The following LNX1 variants were observed in gnomAD, a reference collection of about 807,000 sequenced individuals.
LNX1 encodes ligand of numb-protein X 1, also known as E3 ubiquitin-protein ligase LNX.
A neutral mutation model predicts 68.4 loss-of-function variants in LNX1; 54 were observed. The ratio of observed to expected loss-of-function variants is 0.79; its 90% confidence interval spans 0.63 to 0.99. The LOEUF (loss-of-function observed/expected upper bound fraction) is 0.99. LNX1 is among the 50% of genes least tolerant of loss of function. The pLI, the probability that LNX1 is intolerant of heterozygous loss-of-function variation, is 0.00. For synonymous variants in LNX1, 336 were observed against 350.0 expected, an observed-to-expected ratio of 0.96 and a Z score of 0.45; for missense variants, 906 against 926.4, an observed-to-expected ratio of 0.98 and a Z score of 0.29.
intron 1 of LNX1, among the ~76,000 whole-genome samples, chr4:53,639,341 G>A (rs1328110246): frequency 6.6e-6 from 1 of 152,104 alleles, no homozygotes; most frequent in Non-Finnish European, 1.5e-5. Flanking sequence ...CAGCAGGGAG[G>A]AGTGAGTGGG....
At chr4:53,585,593 A>C (rs1362294751) in intron 1 of LNX1, among the ~76,000 whole-genome samples, 1 of 152,176 alleles carries the variant, frequency 6.6e-6, no homozygotes, top group Admixed American at 6.6e-5. Flanking sequence ...AAATTCAATG[A>C]CAGATGTCCT....
chr4:53,548,367 A>G (rs1483626981), intron 2 of LNX1, among the ~76,000 whole-genome samples: 1 of 152,166 alleles, frequency 6.6e-6, no homozygotes, highest in East Asian at 1.9e-4. Flanking sequence ...TTCTTTAACA[A>G]TGTTTTTGTG....
At chr4:53,643,647 A>G (rs1734772861) in intron 1 of LNX1, among the ~76,000 whole-genome samples, 1 of 152,056 alleles carries the variant, frequency 6.6e-6, no homozygotes, top group Non-Finnish European at 1.5e-5. Context: ...CTTTCTCCTC[A>G]TTTTCCTTCT....
intron 6 of LNX1, among the ~76,000 whole-genome samples, chr4:53,488,435 T>A (rs1724467705): frequency 6.6e-6 from 1 of 152,176 alleles, no homozygotes; most frequent in South Asian, 2.1e-4. Context: ...TCTTTTCAAG[T>A]CATCTAAAAA....
At chr4:53,585,018 A>G (rs1370117589) in intron 1 of LNX1, among the ~76,000 whole-genome samples, 2 of 152,118 alleles carry the variant, frequency 1.3e-5, no homozygotes, top group Non-Finnish European at 2.9e-5. Flanking sequence ...TGGGTAGTCC[A>G]GATGGTGGTA....
chr4:53,501,096 A>T (rs1266539977), intron 4 of LNX1, among the ~76,000 whole-genome samples: 1 of 152,146 alleles, frequency 6.6e-6, no homozygotes, highest in East Asian at 1.9e-4. Context: ...AGGAATTTTT[A>T]AACTGCCAAA....
chr4:53,469,485 AAGATC>A (rs1178573402), intron 9 of LNX1, among the ~76,000 whole-genome samples: 10 of 152,244 alleles, frequency 6.6e-5, no homozygotes, highest in African/African-American at 2.2e-4. Context: ...AGAAATAACT[AAGATC>A]AGAGCAGAAC....
intron 1 of LNX1, among the ~76,000 whole-genome samples, chr4:53,643,684 A>T (rs1264529754): frequency 2.0e-5 from 3 of 152,168 alleles, no homozygotes; most frequent in Admixed American, 6.5e-5. Flanking sequence ...TTTGGAGTGT[A>T]ACAGACCTGT....
intron 2 of LNX1, among the ~76,000 whole-genome samples, chr4:53,545,193 C>G (rs1729021887): frequency 6.6e-6 from 1 of 152,230 alleles, no homozygotes. Context: ...GTAGTCTGCT[C>G]TCTTATGCCT....
intron 2 of LNX1, among the ~76,000 whole-genome samples, chr4:53,563,997 T>G (rs1174633188): frequency 6.6e-6 from 1 of 152,222 alleles, no homozygotes. Context: ...GAGCATGTGT[T>G]GAGGCCCACG....
intron 2 of LNX1, among the ~76,000 whole-genome samples, chr4:53,534,312 C>CA (rs1728218261): frequency 1.3e-5 from 2 of 152,138 alleles, no homozygotes; most frequent in Admixed American, 1.3e-4. Flanking sequence ...GGCCCATCTT[C>CA]AACCCTGAAT....
chr4:53,621,339 C>T (rs1733873325), upstream of LNX1, among the ~76,000 whole-genome samples: 1 of 152,194 alleles, frequency 6.6e-6, no homozygotes, highest in South Asian at 2.1e-4. Context: ...TTCGGCATCA[C>T]GCTCACTGTG....
chr4:53,636,868 C>T (rs1030216048), intron 1 of LNX1, among the ~76,000 whole-genome samples: 5 of 151,714 alleles, frequency 3.3e-5, no homozygotes, highest in Non-Finnish European at 5.9e-5. Flanking sequence ...GATACAGGGT[C>T]ATGTTCTGTA....
intron 2 of LNX1, among the ~76,000 whole-genome samples, chr4:53,568,831 A>T (rs1297249911): frequency 1.3e-5 from 2 of 152,178 alleles, no homozygotes; most frequent in East Asian, 1.9e-4. Flanking sequence ...ACACAAAATC[A>T]ATGTGCAAAA....
upstream of LNX1, among the ~76,000 whole-genome samples, chr4:53,596,226 T>C (rs1032520729): frequency 2.0e-5 from 3 of 152,222 alleles, no homozygotes; most frequent in African/African-American, 7.2e-5. Flanking sequence ...ATATGGAAGA[T>C]ATTCCATTTC....
At chr4:53,564,504 C>T (rs1730507733) in intron 2 of LNX1, among the ~76,000 whole-genome samples, 1 of 152,176 alleles carries the variant, frequency 6.6e-6, no homozygotes, top group African/African-American at 2.4e-5. Flanking sequence ...TTCTGTCTCC[C>T]CACTCTTACT....
chr4:53,628,867 A>G (rs1254008243), intron 1 of LNX1, among the ~76,000 whole-genome samples: 2 of 152,210 alleles, frequency 1.3e-5, no homozygotes, highest in African/African-American at 4.8e-5. Flanking sequence ...AAGTAAAGTA[A>G]CTCAGGAATG....
chr4:53,501,508 C>T (rs1195832814), intron 4 of LNX1, among the ~76,000 whole-genome samples: 1 of 152,130 alleles, frequency 6.6e-6, no homozygotes, highest in African/African-American at 2.4e-5. Context: ...TGGTCTCAAA[C>T]TCCTGGGCTC....
At chr4:53,644,116 G>A (rs1454000721) in intron 1 of LNX1, among the ~76,000 whole-genome samples, 1 of 152,160 alleles carries the variant, frequency 6.6e-6, no homozygotes, top group Non-Finnish European at 1.5e-5. Context: ...GTAAATGGAG[G>A]TCAGGAACGG....
Sources: gnomAD v4.1 joint callset for allele counts (sites outside exome capture counted in the v4.1 genomes callset) on GRCh38, gnomAD v4.1.1 for gene constraint, MANE v1.5 for transcripts, NCBI Gene and HGNC (gene_info 2026-07-23, HGNC 2026-07-21) for gene names.